STIP1: variants seen among roughly 807,000 people sequenced by gnomAD.
STIP1 encodes stress-induced-phosphoprotein 1.
In STIP1, 16 loss-of-function variants were observed where a neutral mutation model predicts 77.4. That is an observed-to-expected ratio of 0.21 (90% CI 0.14 to 0.31). The LOEUF is 0.31. Among genes scored for constraint, STIP1 ranks in the 10% least tolerant of loss-of-function variants. The pLI is 1.00. For synonymous variants in STIP1, 258 were observed against 246.6 expected, an observed-to-expected ratio of 1.05 and a Z score of -0.44; for missense variants, 524 against 684.8, an observed-to-expected ratio of 0.77 and a Z score of 2.62.
At chr11:64,203,358 C>CCCTTGTCAGTTA in intron 12 of STIP1, 92 bp from the exon 13 acceptor site, 1 of 1,587,698 alleles carries the variant, frequency 6.3e-7, no homozygotes, top group Non-Finnish European at 8.6e-7. Context: ...GTTCTCTCTC[C>CCCTTGTCAGTTA]CCTTGTCAGT....
At chr11:64,203,070 A>G in intron 11 of STIP1, 55 bp from the exon 12 acceptor site, 1 of 1,605,316 alleles carries the variant, frequency 6.2e-7, no homozygotes, top group Non-Finnish European at 8.5e-7. Context: ...GAAGAGGTGC[A>G]AGGAGCAGCC....
rs1305980666 is a variant in STIP1, at chr11:64,190,234, C to T, written c.10-2844C>T. Among the ~76,000 whole-genome samples, 6 of 152,026 alleles carry T rather than the reference C, an allele frequency of 3.9e-5. No individual in the cohort carries two copies. The East Asian group carries it at 5.8e-4, about 15-fold the overall frequency. On this transcript the variant is annotated intron_variant, in intron 1 of 13. Transcript: ENST00000305218. The stretch of plus-strand genomic sequence containing the variant: ...TGTTGCCCAGGCTGGAGTGCAATGA[C>T]GCAATCTCAGCTTACTGCAACCTCC...
At chr11:64,197,002 T>C in intron 5 of STIP1, 1 of 416,514 alleles carries the variant, frequency 2.4e-6, no homozygotes, top group Non-Finnish European at 4.4e-6. Context: ...AGGGATTTCC[T>C]CTCCCCTAAA....
intron 1 of STIP1, among the ~76,000 whole-genome samples, chr11:64,191,043 C>T (rs1013969998): frequency 4.0e-5 from 6 of 151,890 alleles, no homozygotes; most frequent in Admixed American, 6.6e-5. Flanking sequence ...CAAAATTAGA[C>T]GGATGTGGTA....
At chr11:64,196,194 A>G (rs1946148221) in intron 5 of STIP1, among the ~76,000 whole-genome samples, 1 of 151,898 alleles carries the variant, frequency 6.6e-6, no homozygotes, top group African/African-American at 2.4e-5. Context: ...TCAGGAGTTC[A>G]AGACCAGTCT....
chr11:64,197,911 C>G lies in STIP1; in HGVS notation c.960C>G (p.Ile320Met), dbSNP rs1162211282. 1 of 1,613,120 alleles carries G rather than the reference C, an allele frequency of 6.2e-7. No individual in the cohort carries two copies. ...AAGAAGAAAAGTACAAGGATGCCAT[C>G]CATTTCTATAACAAGTCTCTGGCAG... ...YFKEEKYKDAIHFYNKSLAEH... is the reference protein window; with the variant it reads ...YFKEEKYKDAMHFYNKSLAEH... The change falls in exon 8 of 14, where the codon ATC becomes ATG. Residue 320 changes from isoleucine to methionine, a missense_variant. By Grantham distance (10) the Ile-to-Met change is conservative. Coordinates refer to ENST00000305218, the MANE Select transcript of STIP1 (RefSeq NM_006819.3).
intron 1 of STIP1, chr11:64,186,480 C>G (rs976628151): frequency 4.3e-6 from 2 of 467,650 alleles, no homozygotes; most frequent in Non-Finnish European, 6.5e-6. Context: ...GCCCATCGCC[C>G]CCTGGTTGGG....
At chr11:64,199,656 C>G (rs574979491) in intron 8 of STIP1, among the ~76,000 whole-genome samples, 224 of 149,986 alleles carry the variant, frequency 1.5e-3, no homozygotes, top group African/African-American at 5.2e-3. Context: ...TTCCGCCTCC[C>G]GGGTTCACGC....
intron 10 of STIP1, among the ~76,000 whole-genome samples, chr11:64,201,322 T>C (rs1321974715): frequency 1.3e-5 from 2 of 152,244 alleles, no homozygotes; most frequent in East Asian, 3.8e-4. Flanking sequence ...ATTACAGGCA[T>C]GAGCCACTGC....
In STIP1 at chr11:64,195,713, A is replaced by G; in HGVS notation, c.572A>G (p.Asp191Gly). Reference sequence around the variant, plus strand: ...CTTGGGGTCGATCTGGGCAGTATGGATGAGGAGGAAGAGATTGCAACACCT... The same window carrying G: ...CTTGGGGTCGATCTGGGCAGTATGGGTGAGGAGGAAGAGATTGCAACACCT... Reference protein sequence around the residue: ...VLLGVDLGSMDEEEEIATPPP... With the variant: ...VLLGVDLGSMGEEEEIATPPP... The change falls in exon 5 of 14, where the codon GAT (aspartate) becomes GGT (glycine). Residue 191 changes from aspartate to glycine, a missense_variant. Transcript: ENST00000305218. The G allele has an allele frequency of 1.2e-6, 2 of 1,614,100 alleles. No individual in the cohort carries two copies.
At chr11:64,191,423 T>C (rs1946091245) in intron 1 of STIP1, among the ~76,000 whole-genome samples, 1 of 151,186 alleles carries the variant, frequency 6.6e-6, no homozygotes, top group Non-Finnish European at 1.5e-5. Flanking sequence ...CTGGCCAACA[T>C]GGTGAAACTC....
chr11:64,193,437 A>C, intron 2 of STIP1, 150 bp downstream of exon 2: 2 of 698,594 alleles, frequency 2.9e-6, no homozygotes, highest in Admixed American at 5.3e-5. Context: ...ATTTTTCATC[A>C]AATCTAAGGT....
intron 1 of STIP1, among the ~76,000 whole-genome samples, chr11:64,191,948 G>T (rs1946097557): frequency 6.6e-6 from 1 of 152,002 alleles, no homozygotes; most frequent in African/African-American, 2.4e-5. Context: ...AGTCAGTTGG[G>T]TGGCCGGGCA....
upstream of STIP1, chr11:64,186,133 T>C: frequency 6.4e-7 from 1 of 1,550,784 alleles, no homozygotes. Context: ...ACTCGACCAG[T>C]GAGCAGGCGA....
At chr11:64,202,074 A>G (rs1048156039) in intron 10 of STIP1, among the ~76,000 whole-genome samples, 1 of 152,210 alleles carries the variant, frequency 6.6e-6, no homozygotes, top group Admixed American at 6.5e-5. Flanking sequence ...TTGTGCACGC[A>G]TTGCCTGAAA....
chr11:64,194,547 A>G lies in STIP1; in HGVS notation c.430A>G (p.Arg144Gly). The G allele has an allele frequency of 6.2e-7, 1 of 1,614,206 alleles. No homozygotes were observed. Among genetic ancestry groups the G allele is most frequent in the Admixed American group, 1.7e-5 (1 of 60,020 alleles). The change falls in exon 4 of 14, where the codon AGG (arginine) becomes GGG (glycine). Residue 144 changes from arginine to glycine, a missense_variant. Physicochemically the swap from Arg to Gly is moderately radical, Grantham distance 125 (BLOSUM62 -2). Transcript: ENST00000305218. Reference protein sequence around the residue: ...YQKLESDPRTRTLLSDPTYRE... With the variant: ...YQKLESDPRTGTLLSDPTYRE... ...GAAGTTGGAGAGTGATCCCAGGACAAGGACACTACTCAGTGATCCTACCTA... is the reference window on the plus strand; with the variant it reads ...GAAGTTGGAGAGTGATCCCAGGACAGGGACACTACTCAGTGATCCTACCTA...
intron 1 of STIP1, among the ~76,000 whole-genome samples, chr11:64,188,911 T>G (rs1053638022): frequency 6.6e-6 from 1 of 152,202 alleles, no homozygotes; most frequent in African/African-American, 2.4e-5. Flanking sequence ...GGTTTGTATT[T>G]CAGTTTAGAA....
rs1417956994 is a variant in STIP1, at chr11:64,186,276, G to A, written c.9+6G>A. On this transcript the variant is annotated splice_donor_region_variant and intron_variant, in intron 1 of 13. Transcript: ENST00000305218. ...CGCGCTGCGCTATGGAGCAGGTGAAGGGGGAGGGGCGGGCTGAGGCCCCGA... is the reference window on the plus strand; with the variant it reads ...CGCGCTGCGCTATGGAGCAGGTGAAAGGGGAGGGGCGGGCTGAGGCCCCGA... The A allele has an allele frequency of 1.9e-6, 3 of 1,548,738 alleles. No individual in the cohort carries two copies. The highest frequency in any genetic ancestry group is 1.2e-5 in the South Asian group (1 of 83,998).
At chr11:64,198,753 G>GTTTTTTTT (rs371481270) in intron 8 of STIP1, among the ~76,000 whole-genome samples, 3 of 111,060 alleles carry the variant, frequency 2.7e-5, no homozygotes, top group Admixed American at 9.9e-5. Flanking sequence ...TTTTTTTGTG[G>GTTTTTTTT]TTTTTTTTTT....
Sources: gnomAD v4.1 joint callset for allele counts (sites outside exome capture counted in the v4.1 genomes callset) on GRCh38, gnomAD v4.1.1 for gene constraint, MANE v1.5 for transcripts, NCBI Gene and HGNC (gene_info 2026-07-23, HGNC 2026-07-21) for gene names.